Variants in ACYP2 observed in about 807,000 individuals in gnomAD.
ACYP2 encodes the protein acylphosphatase-2.
In ACYP2, 12 loss-of-function variants were observed where a neutral mutation model predicts 11.2. The ratio of observed to expected loss-of-function variants is 1.08; its 90% CI spans 0.69 to 1.74. ACYP2 has a LOEUF of 1.74. ACYP2 is among the 40% of genes most tolerant of loss of function. The pLI is 0.00. For synonymous variants in ACYP2, 43 were observed against 32.2 expected (o/e 1.33, Z -1.13); for missense variants, 134 against 101.9 (o/e 1.31, Z -1.35).
chr2:54,175,735 T>C (rs1184169597), intron 6 of ACYP2, among the ~76,000 whole-genome samples: 1 of 152,166 alleles, frequency 6.6e-6, no homozygotes, highest in East Asian at 1.9e-4. Flanking sequence ...AACTGCCAGT[T>C]ATTTCCCAGC....
intron 5 of ACYP2, among the ~76,000 whole-genome samples, chr2:54,136,599 T>G (rs998236056): frequency 3.3e-5 from 5 of 152,224 alleles, no homozygotes; most frequent in Admixed American, 1.3e-4. Flanking sequence ...CCATTTTGAT[T>G]TGTGTTGTTT....
intron 2 of ACYP2, among the ~76,000 whole-genome samples, chr2:54,003,714 T>C (rs539323297): frequency 6.6e-6 from 1 of 152,362 alleles, no homozygotes; most frequent in South Asian, 2.1e-4. Context: ...TGTAGGGTTT[T>C]GTGTGAACAT....
At chr2:54,217,137 A>T (rs980338202) in intron 6 of ACYP2, among the ~76,000 whole-genome samples, 1 of 152,118 alleles carries the variant, frequency 6.6e-6, no homozygotes, top group African/African-American at 2.4e-5. Flanking sequence ...GGTCTAGAAA[A>T]GTGCTGAAAA....
At chr2:54,003,058 T>TG (rs1672876657) in intron 2 of ACYP2, among the ~76,000 whole-genome samples, 1 of 151,320 alleles carries the variant, frequency 6.6e-6, no homozygotes, top group Middle Eastern at 3.4e-3. Context: ...AGTGAATACT[T>TG]GTGCCTCAGC....
intron 2 of ACYP2, among the ~76,000 whole-genome samples, chr2:54,025,591 G>A (rs1264192577): frequency 6.6e-6 from 1 of 152,142 alleles, no homozygotes; most frequent in African/African-American, 2.4e-5. Context: ...ATGGATCAAA[G>A]ACTTGAATAT....
intron 3 of ACYP2, among the ~76,000 whole-genome samples, chr2:54,055,526 G>A (rs1251719346): frequency 6.6e-6 from 1 of 152,098 alleles, no homozygotes; most frequent in East Asian, 1.9e-4. Flanking sequence ...AAATCCTTGT[G>A]AGGTAGATAG....
At chr2:54,094,872 ATC>A (rs1317367607) in intron 4 of ACYP2, among the ~76,000 whole-genome samples, 14 of 151,670 alleles carry the variant, frequency 9.2e-5, no homozygotes, top group Admixed American at 8.5e-4. Flanking sequence ...TTATTTTTTA[ATC>A]TGTTTTTTTT....
chr2:54,288,974 C>A (rs1396042929), intron 6 of ACYP2, among the ~76,000 whole-genome samples: 18 of 151,916 alleles, frequency 1.2e-4, no homozygotes, highest in Admixed American at 1.2e-3. Context: ...GCTTTTAATT[C>A]TATTCAAAGC....
intron 2 of ACYP2, among the ~76,000 whole-genome samples, chr2:54,044,574 A>T (rs988803829): frequency 6.6e-6 from 1 of 151,974 alleles, no homozygotes; most frequent in Non-Finnish European, 1.5e-5. Context: ...GCAACAGAGT[A>T]AGACGCTGTC....
chr2:54,141,293 C>T (rs1048438632), intron 6 of ACYP2, among the ~76,000 whole-genome samples: 4 of 152,136 alleles, frequency 2.6e-5, no homozygotes, highest in Admixed American at 6.5e-5. Context: ...AATTGTTTTT[C>T]ATTTTTATTA....
At chr2:53,976,553 A>G (rs1342729123) in intron 2 of ACYP2, among the ~76,000 whole-genome samples, 2 of 152,200 alleles carry the variant, frequency 1.3e-5, no homozygotes, top group Non-Finnish European at 2.9e-5. Flanking sequence ...ATTCATTGCA[A>G]TGTAATTAAA....
At chr2:54,194,294 G>A (rs1684361285) in intron 6 of ACYP2, among the ~76,000 whole-genome samples, 1 of 151,944 alleles carries the variant, frequency 6.6e-6, no homozygotes, top group Non-Finnish European at 1.5e-5. Context: ...CCTGCCTTGG[G>A]CTCCTAAAGT....
chr2:54,161,919 CTT>C (rs1440383493), intron 6 of ACYP2, among the ~76,000 whole-genome samples: 1 of 151,888 alleles, frequency 6.6e-6, no homozygotes, highest in Non-Finnish European at 1.5e-5. Context: ...TTTGGTAAGT[CTT>C]TGTTTTAAAA....
At chr2:54,299,130 G>GA (rs1553409103) in intron 6 of ACYP2, among the ~76,000 whole-genome samples, 2 of 152,172 alleles carry the variant, frequency 1.3e-5, no homozygotes, top group Non-Finnish European at 2.9e-5. Context: ...TTAATCCCTG[G>GA]AATGTTGAGG....
At chr2:54,159,239 G>T (rs1360721913) in intron 6 of ACYP2, among the ~76,000 whole-genome samples, 2 of 151,884 alleles carry the variant, frequency 1.3e-5, no homozygotes, top group Non-Finnish European at 2.9e-5. Flanking sequence ...ACTCCAATAA[G>T]GTTCTAGAGC....
intron 2 of ACYP2, among the ~76,000 whole-genome samples, chr2:54,014,914 T>C (rs548121175): frequency 6.6e-6 from 1 of 152,248 alleles, no homozygotes; most frequent in African/African-American, 2.4e-5. Context: ...TGTGAGCCAC[T>C]GTATCTGGCC....
At chr2:54,033,042 G>A (rs577284293) in intron 2 of ACYP2, among the ~76,000 whole-genome samples, 1 of 152,284 alleles carries the variant, frequency 6.6e-6, no homozygotes, top group East Asian at 1.9e-4. Context: ...TATTTAGGCA[G>A]TTTATGAGGA....
chr2:54,062,815 C>G (rs1676539035), intron 4 of ACYP2, among the ~76,000 whole-genome samples: 2 of 152,144 alleles, frequency 1.3e-5, no homozygotes, highest in Non-Finnish European at 2.9e-5. Flanking sequence ...GGCAAGGTCA[C>G]AGAGATTTTG....
chr2:54,126,081 A>T (rs1052664271), intron 4 of ACYP2, among the ~76,000 whole-genome samples: 2 of 152,088 alleles, frequency 1.3e-5, no homozygotes, highest in African/African-American at 4.8e-5. Context: ...ACTCCGACTC[A>T]AAAAAAATAA....
Sources: allele counts gnomAD v4.1 joint callset (sites outside exome capture counted in the v4.1 genomes callset), GRCh38; gene constraint gnomAD v4.1.1; transcripts MANE v1.5; gene names NCBI Gene and HGNC (gene_info 2026-07-23, HGNC 2026-07-21).